The following POLG2 variants were observed in gnomAD, a reference collection of about 807,000 sequenced individuals.
POLG2 encodes the protein DNA polymerase gamma 2, accessory subunit.
In POLG2, 50 loss-of-function variants were observed where a neutral mutation model predicts 56.5. That is an observed-to-expected ratio of 0.88 (90% CI 0.71 to 1.12). The LOEUF (loss-of-function observed/expected upper bound fraction) is 1.12. Among genes scored for constraint, POLG2 ranks in the 50% most tolerant of loss-of-function variants. The pLI is 0.00. For missense variants in POLG2, 584 were observed against 583.3 expected (o/e 1.00, Z -0.01); for synonymous variants, 226 against 222.6 (o/e 1.02, Z -0.14).
Position 64,492,935 on chromosome 17 carries a change from G to T in POLG2, c.649C>A (p.Pro217Thr). Residue 217 changes from proline (P) to threonine (T), a missense_variant, in exon 2 of 8, where the codon CCT (proline) becomes ACT (threonine). Physicochemically the swap from Pro to Thr is conservative, Grantham distance 38. Coordinates refer to ENST00000539111, the MANE Select transcript of POLG2 (RefSeq NM_007215.4). Reference sequence around the variant, plus strand: ...CGTATCTGCTTAGTGTCAAAAACAGGATGAAAACACACTCCAATCTGAGCA... The same window carrying T: ...CGTATCTGCTTAGTGTCAAAAACAGTATGAAAACACACTCCAATCTGAGCA... Reference protein sequence around the residue: ...GLAQIGVCFHPVFDTKQIRNG... With the variant: ...GLAQIGVCFHTVFDTKQIRNG... 1 of 1,613,972 alleles carries T rather than the reference G, an allele frequency of 6.2e-7. No homozygotes were observed. The highest frequency in any genetic ancestry group is 1.1e-5 in the South Asian group (1 of 91,080).
intron 3 of POLG2, chr17:64,491,426 C>A: frequency 1.3e-6 from 1 of 752,008 alleles, no homozygotes; most frequent in Non-Finnish European, 2.1e-6. Flanking sequence ...AAGACTTCAT[C>A]TCTACAAATA....
At position 64,496,993 on chromosome 17, in the gene POLG2, C is replaced by T. The variant is rs782291957; in HGVS notation, c.-25G>A. 3 of 1,591,074 alleles carry T rather than the reference C, an allele frequency of 1.9e-6. No individual in the cohort carries two copies. The East Asian group carries it at 6.7e-5, about 35-fold the overall frequency. On this transcript the variant is annotated 5_prime_UTR_variant, in exon 1 of 8. The change creates a new upstream start codon in the 5' untranslated region. Transcript: ENST00000539111. ...TCTCTCTCCGAAGTTAAAGAGCACA[C>T]TCTCCCATCACTCAACGGATCCCAA...
intron 3 of POLG2, chr17:64,491,573 A>C (rs1053543376): frequency 4.5e-6 from 7 of 1,552,620 alleles, no homozygotes; most frequent in Non-Finnish European, 6.2e-6. Flanking sequence ...AGGTCAAACT[A>C]GGGGAGCTGC....
Position 64,485,640 on chromosome 17 carries a change from T to A in POLG2, c.1110+88A>T, listed in dbSNP as rs1307549504. 3 of 1,061,204 alleles carry A rather than the reference T, an allele frequency of 2.8e-6. No individual in the cohort carries two copies. The African/African-American group carries it at 4.7e-5, about 17-fold the overall frequency. The allele number at this position is 1,061,204 out of a possible 1,614,324, so 65.7% of individuals were successfully genotyped here. A position where few individuals can be genotyped will look rare whatever the true frequency, so the allele number is the denominator to read the frequency against. ...TGCACTAAATTTATTATTTAGAGTT[T>A]ATGTTAGAAACCGAGCACACTAACA... is the stretch of plus-strand genomic sequence containing the variant. On this transcript the variant is annotated intron_variant, in intron 5 of 7. Transcript: ENST00000539111.
At chr17:64,495,844 G>A (rs2038142203) in intron 1 of POLG2, among the ~76,000 whole-genome samples, 1 of 152,028 alleles carries the variant, frequency 6.6e-6, no homozygotes, top group African/African-American at 2.4e-5. Flanking sequence ...AAGTAGCTGG[G>A]ATTACAGGCG....
intron 6 of POLG2, chr17:64,481,250 G>C (rs2037851079): frequency 1.0e-6 from 1 of 984,468 alleles, no homozygotes; most frequent in Non-Finnish European, 1.2e-6. Flanking sequence ...CCATACCCTG[G>C]GAGAAAATGT....
intron 7 of POLG2, among the ~76,000 whole-genome samples, chr17:64,479,346 G>A (rs2037819936): frequency 6.6e-6 from 1 of 151,978 alleles, no homozygotes; most frequent in East Asian, 1.9e-4. Flanking sequence ...ACCATGGCCA[G>A]GTAATTTTTT....
rs2144220930 is a variant in POLG2 at position 64,496,497 on chromosome 17, G to C, written c.472C>G (p.Gln158Glu). ...VSAETLREILQDKELSKEQLV... is the reference protein window; with the variant it reads ...VSAETLREILEDKELSKEQLV... ...TGTTCCTTACTCAGCTCTTTGTCTT[G>C]CAAGATTTCGCGTAGAGTTTCTGCA... Residue 158 changes from glutamine (Q) to glutamate (E), a missense_variant, in exon 1 of 8, where the codon CAA (glutamine) becomes GAA (glutamate). Transcript: ENST00000539111. The C allele has an allele frequency of 1.9e-6, 3 of 1,612,826 alleles. No individual in the cohort carries two copies. The highest frequency in any genetic ancestry group is 2.5e-6 in the Non-Finnish European group (3 of 1,178,900).
chr17:64,486,513 C>G (rs550506631), intron 4 of POLG2, among the ~76,000 whole-genome samples: 4 of 152,104 alleles, frequency 2.6e-5, no homozygotes, highest in Non-Finnish European at 5.9e-5. Context: ...AGGCACACAC[C>G]ACCATGTCTG....
chr17:64,482,888 T>C (rs1223216950), intron 6 of POLG2, 31 bp downstream of exon 6: 2 of 1,231,014 alleles, frequency 1.6e-6, no homozygotes, highest in Non-Finnish European at 2.4e-6. Flanking sequence ...CAATCTGTAA[T>C]TAAAATGACA....
rs782516321 is a variant in POLG2 at position 64,492,999 on chromosome 17, A to G, written c.585T>C (p.Asn195=). ...LLHGALEHYV[N]CLDLVNKRLP... ...GCCTCTTGTTTACCAGATCCAGGCA[A>G]TTAACATAGTGTTCCAAGGCACCTG... is the stretch of plus-strand genomic sequence containing the variant. Residue 195 remains asparagine, a synonymous_variant, in exon 2 of 8, where the codon AAT becomes AAC. Transcript: ENST00000539111. The G allele has an allele frequency of 1.2e-6, 2 of 1,614,044 alleles. No homozygotes were observed. Among genetic ancestry groups the G allele is most frequent in the African/African-American group, 2.7e-5 (2 of 74,954 alleles).
chr17:64,481,027 C>T (rs996430002), intron 6 of POLG2, among the ~76,000 whole-genome samples: 6 of 152,126 alleles, frequency 3.9e-5, no homozygotes, highest in Admixed American at 3.3e-4. Flanking sequence ...ATTTAAAAAC[C>T]CCTTAACAGT....
rs1331083654 is a variant in POLG2 at position 64,491,740 on chromosome 17, G to A, written c.796-771C>T. ...GCAGGGTACATGCTCTTCATCTACT[G>A]CCTTTCCTACAAGGAGCTCAAGCAC... is the stretch of plus-strand genomic sequence containing the variant. On this transcript the variant is annotated intron_variant, in intron 3 of 7. Transcript: ENST00000539111. The A allele has an allele frequency of 6.4e-6, 5 of 775,450 alleles. No individual in the cohort carries two copies. In the African/African-American group the frequency reaches 8.7e-5, roughly 14 times the overall value. 48.0% of individuals were successfully genotyped at this position (775,450 alleles called of 1,614,324 possible).
intron 5 of POLG2, 50 bp from the exon 6 acceptor site, chr17:64,483,049 T>C (rs1240573314): frequency 5.5e-6 from 5 of 909,678 alleles, no homozygotes; most frequent in Admixed American, 1.9e-5. Flanking sequence ...GGAAAAAGCA[T>C]AGTTTGTTTA....
intron 5 of POLG2, among the ~76,000 whole-genome samples, chr17:64,484,641 A>G (rs1233784530): frequency 2.0e-5 from 3 of 152,234 alleles, no homozygotes; most frequent in Non-Finnish European, 4.4e-5. Flanking sequence ...TTTTGAAGTT[A>G]GAGTCAAACA....
intron 7 of POLG2, 109 bp downstream of exon 7, chr17:64,480,180 T>C (rs782018670): frequency 7.8e-5 from 24 of 305,736 alleles, no homozygotes; most frequent in Non-Finnish European, 1.2e-4. Context: ...AGGAATAATT[T>C]AAAATTATAT....
chr17:64,495,044 G>C (rs1555669223), intron 1 of POLG2, among the ~76,000 whole-genome samples: 1 of 152,080 alleles, frequency 6.6e-6, no homozygotes, highest in Non-Finnish European at 1.5e-5. Flanking sequence ...GTGGTGGCAA[G>C]TGCCTGTAGT....
chr17:64,492,828 C>T, intron 2 of POLG2, 56 bp from the exon 3 acceptor site: 2 of 1,602,538 alleles, frequency 1.2e-6, no homozygotes, highest in Admixed American at 3.3e-5. Context: ...TATAATTTAT[C>T]CCAAGTGGAA....
chr17:64,482,504 T>C (rs1315638248), intron 6 of POLG2, among the ~76,000 whole-genome samples: 1 of 151,768 alleles, frequency 6.6e-6, no homozygotes, highest in Non-Finnish European at 1.5e-5. Context: ...GTATTTTTAG[T>C]AGATGGGGTT....
Sources: gnomAD v4.1 joint callset for allele counts (sites outside exome capture counted in the v4.1 genomes callset) on GRCh38, gnomAD v4.1.1 for gene constraint, MANE v1.5 for transcripts, NCBI Gene and HGNC (gene_info 2026-07-23, HGNC 2026-07-21) for gene names.